The following POLA1 variants were observed in gnomAD, a reference collection of about 807,000 sequenced individuals.
POLA1 encodes the protein DNA polymerase alpha 1, catalytic subunit, also known as DNA polymerase alpha catalytic subunit.
A neutral mutation model predicts 124.0 loss-of-function variants in POLA1; 15 were observed. The ratio of observed to expected loss-of-function variants is 0.12; its 90% confidence interval spans 0.08 to 0.19. The LOEUF is 0.19. Among genes scored for constraint, POLA1 ranks in the 10% least tolerant of loss-of-function variants. The pLI, the probability that POLA1 is intolerant of heterozygous loss-of-function variation, is 1.00. For missense variants in POLA1, 886 were observed against 1,103.4 expected (o/e 0.80, Z 2.79); for synonymous variants, 408 against 389.4 (o/e 1.05, Z -0.56).
At chrX:24,836,208 T>C (rs2046339488) in intron 32 of POLA1, among the ~76,000 whole-genome samples, 1 of 112,256 alleles carries the variant, frequency 8.9e-6, no homozygotes, top group Non-Finnish European at 1.9e-5. Context: ...CCTTCCTTTC[T>C]GTAAATTCTG....
chrX:24,744,877 G>T lies in POLA1; in HGVS notation c.2567-541G>T, dbSNP rs764580254. Among the ~76,000 whole-genome samples, 8 of 106,978 alleles carry T rather than the reference G, an allele frequency of 7.5e-5. No individual in the cohort carries two copies. The South Asian group carries it at 3.5e-3, about 46-fold the overall frequency. The allele number at this position is 106,978 out of a possible 115,157, so 92.9% of individuals were successfully genotyped here. On this transcript the variant is annotated intron_variant, in intron 23 of 36. Coordinates refer to ENST00000379068, the MANE Select transcript of POLA1 (RefSeq NM_001330360.2). ...GAGGCAAGGGGACTCACTTGAACCC[G>T]GGAGGCAGAGGTTGCGGTGAGCTGA...
intron 35 of POLA1, among the ~76,000 whole-genome samples, chrX:24,896,198 G>A (rs2047204110): frequency 9.0e-6 from 1 of 111,395 alleles, no homozygotes; most frequent in African/African-American, 3.3e-5. Context: ...AGTGGGGAGG[G>A]AGGTGCCGCT....
At chrX:24,900,615 C>T (rs1430675148) in intron 35 of POLA1, among the ~76,000 whole-genome samples, 1 of 112,074 alleles carries the variant, frequency 8.9e-6, no homozygotes, top group African/African-American at 3.2e-5. Context: ...ACAGGACCAC[C>T]AAAGATGTAG....
At chrX:24,736,924 G>T (rs1223451414) in intron 18 of POLA1, among the ~76,000 whole-genome samples, 1 of 111,863 alleles carries the variant, frequency 8.9e-6, no homozygotes, top group Non-Finnish European at 1.9e-5. Context: ...ATTTATTGAT[G>T]TGAATTATTT....
rs139566864 is a variant in POLA1 at position 24,717,683 on chromosome X, G to A, written c.1012G>A (p.Val338Ile). The change falls in exon 10 of 37, where the codon GTA becomes ATA. Residue 338 changes from valine to isoleucine, a missense_variant. Coordinates refer to ENST00000379068, the MANE Select transcript of POLA1 (RefSeq NM_001330360.2). Reference protein sequence around the residue: ...VQVDSSHLPLVKGADEEQVFH... With the variant: ...VQVDSSHLPLIKGADEEQVFH... ...AGTGGATTCCAGTCACCTCCCATTG[G>A]TAAAAGGGGCAGATGAGGAACAAGT... 142 of 1,204,681 alleles carry A rather than the reference G, an allele frequency of 1.2e-4. No individual in the cohort carries two copies. The African/African-American group carries it at 2.2e-3, about 18-fold the overall frequency.
At chrX:24,786,348 C>T (rs745365761) in intron 26 of POLA1, among the ~76,000 whole-genome samples, 40 of 111,848 alleles carry the variant, frequency 3.6e-4, no homozygotes, top group Non-Finnish European at 6.8e-4. Flanking sequence ...TATAGCTAGC[C>T]TAACAGATGT....
chrX:24,742,224 A>G, intron 22 of POLA1, 103 bp downstream of exon 22: 1 of 738,259 alleles, frequency 1.4e-6, no homozygotes, highest in South Asian at 2.8e-5. Context: ...CTTTCAAAAT[A>G]GCTAATCCCT....
chrX:24,906,898 C>T (rs1213956874), intron 35 of POLA1, among the ~76,000 whole-genome samples: 1 of 111,522 alleles, frequency 9.0e-6, no homozygotes, highest in African/African-American at 3.3e-5. Flanking sequence ...AGAAATTATC[C>T]AGTGTAGACG....
intron 26 of POLA1, among the ~76,000 whole-genome samples, chrX:24,773,667 T>C (rs754892034): frequency 8.9e-6 from 1 of 112,248 alleles, no homozygotes; most frequent in East Asian, 2.8e-4. Context: ...TTCTGGTCCT[T>C]AGTAAGTGAT....
chrX:24,940,069 C>A (rs895899131), intron 36 of POLA1, among the ~76,000 whole-genome samples: 2 of 111,510 alleles, frequency 1.8e-5, no homozygotes, highest in Non-Finnish European at 3.8e-5. Flanking sequence ...TATGAGCAAA[C>A]GTATCAAGAG....
chrX:24,982,117 G>A (rs897323012), intron 36 of POLA1, among the ~76,000 whole-genome samples: 1 of 108,867 alleles, frequency 9.2e-6, no homozygotes, highest in Non-Finnish European at 1.9e-5. Context: ...CCAGATTTCA[G>A]TGATGAGCAG....
chrX:24,715,529 C>T (rs1297574104), intron 6 of POLA1, among the ~76,000 whole-genome samples: 1 of 111,814 alleles, frequency 8.9e-6, no homozygotes, highest in African/African-American at 3.3e-5. Context: ...CTCCTTACCT[C>T]GTGATCCGCC....
chrX:24,716,182 G>A (rs193046612), intron 6 of POLA1, among the ~76,000 whole-genome samples, 180 bp from the exon 7 acceptor site: 1 of 91,661 alleles, frequency 1.1e-5, no homozygotes, highest in African/African-American at 4.2e-5. Context: ...TAGTTTTCTT[G>A]TGATTTCTAT....
chrX:24,975,361 A>G (rs767927530), intron 36 of POLA1, among the ~76,000 whole-genome samples: 1 of 112,376 alleles, frequency 8.9e-6, no homozygotes, highest in Non-Finnish European at 1.9e-5. Context: ...GATATGGAAC[A>G]GAGGCTTATT....
chrX:24,709,001 G>A (rs1459535928), intron 4 of POLA1, among the ~76,000 whole-genome samples: 3 of 94,121 alleles, frequency 3.2e-5, no homozygotes, highest in Non-Finnish European at 2.2e-5. Flanking sequence ...CGGGGCGGCT[G>A]GCCGGGCAGG....
At chrX:24,862,788 G>C (rs931693783) in intron 34 of POLA1, among the ~76,000 whole-genome samples, 6 of 112,047 alleles carry the variant, frequency 5.4e-5, no homozygotes. Flanking sequence ...ATTGTAGCTT[G>C]ATTATTCATC....
chrX:24,709,197 A>G (rs1243797594), intron 4 of POLA1, among the ~76,000 whole-genome samples: 3 of 73,881 alleles, frequency 4.1e-5, no homozygotes, highest in Admixed American at 1.4e-4. Flanking sequence ...AGGGGGGCTG[A>G]CCCCCCCACC....
intron 26 of POLA1, among the ~76,000 whole-genome samples, chrX:24,799,236 C>T (rs1425702801): frequency 8.9e-6 from 1 of 112,152 alleles, no homozygotes; most frequent in East Asian, 2.8e-4. Flanking sequence ...CAGAATGCTT[C>T]TGTCAAAATG....
At chrX:24,738,219 CAAAAAAA>C (rs755084911) in intron 19 of POLA1, among the ~76,000 whole-genome samples, 5 of 11,239 alleles carry the variant, frequency 4.4e-4, no homozygotes, top group South Asian at 9.9e-3. Context: ...GACTCCGTCT[CAAAAAAA>C]AAAAAAAAAA....
Sources: allele counts gnomAD v4.1 joint callset (sites outside exome capture counted in the v4.1 genomes callset), GRCh38; gene constraint gnomAD v4.1.1; transcripts MANE v1.5; gene names NCBI Gene and HGNC (gene_info 2026-07-23, HGNC 2026-07-21).